TARS3: variants seen among roughly 807,000 people sequenced by gnomAD.
TARS3 encodes threonine--tRNA ligase 2, cytoplasmic.
In TARS3, 94 loss-of-function variants were observed where a neutral mutation model predicts 103.5. The ratio of observed to expected loss-of-function variants is 0.91; its 90% CI spans 0.77 to 1.08. TARS3 has a LOEUF of 1.08. TARS3 is among the 50% of genes least tolerant of loss of function. The pLI, the probability that TARS3 is intolerant of heterozygous loss-of-function variation, is 0.00. For synonymous variants in TARS3, 416 were observed against 355.4 expected, an observed-to-expected ratio of 1.17 and a Z score of -1.92; for missense variants, 952 against 995.2, an observed-to-expected ratio of 0.96 and a Z score of 0.58.
intron 12 of TARS3, among the ~76,000 whole-genome samples, chr15:101,679,600 G>T (rs556320904): frequency 6.6e-6 from 1 of 152,296 alleles, no homozygotes; most frequent in Admixed American, 6.5e-5. Context: ...GCAGATAATT[G>T]TAACATCTTT....
chr15:101,723,155 T>C lies in TARS3; in HGVS notation c.307A>G (p.Ser103Gly), dbSNP rs150811529. The C allele has an allele frequency of 2.5e-6, 4 of 1,613,840 alleles. No individual in the cohort carries two copies. Among genetic ancestry groups the C allele is most frequent in the Admixed American group, 3.3e-5 (2 of 60,022 alleles). Residue 103 changes from serine (S) to glycine (G), a missense_variant, in exon 2 of 19, where the codon AGT (serine) becomes GGT (glycine). Transcript: ENST00000335968. ...AQEAGAQPPP[S>G]QSQDKDMKKK... ...TTCATGTCCTTGTCTTGGCTTTGAC[T>C]AGGAGGAGGCTGAAAGATAAATTAT...
chr15:101,693,341 T>C (rs1474482799), intron 10 of TARS3, among the ~76,000 whole-genome samples: 1 of 152,082 alleles, frequency 6.6e-6, no homozygotes, highest in Non-Finnish European at 1.5e-5. Flanking sequence ...CAAGGGACTT[T>C]GTGCGGGGGA....
intron 11 of TARS3, 35 bp downstream of exon 11, chr15:101,685,861 C>G (rs754043698): frequency 6.4e-7 from 1 of 1,569,316 alleles, no homozygotes; most frequent in Non-Finnish European, 8.7e-7. Context: ...GCTATGTGCT[C>G]TCATGAAAAG....
rs1179736079 is a variant in TARS3 at position 101,724,109 on chromosome 15, C to A, written c.279G>T (p.Ala93=). The change falls in exon 1 of 19, where the codon GCG becomes GCT. Residue 93 remains alanine, a synonymous_variant. Transcript: ENST00000335968. ...ATLESAELEA[A]QEAGAQPPPS... ...CGGTTACCTGTGCGCCGGCCTCCTG[C>A]GCCGCCTCTAGCTCCGCGCTCTCCA... is the stretch of plus-strand genomic sequence containing the variant. The A allele has an allele frequency of 1.4e-6, 2 of 1,379,510 alleles. No individual in the cohort carries two copies. The highest frequency in any genetic ancestry group is 3.0e-5 in the East Asian group (1 of 33,282). 85.5% of individuals were successfully genotyped at this position (1,379,510 alleles called of 1,614,324 possible). A position where few individuals can be genotyped will look rare whatever the true frequency, so the allele number is the denominator to read the frequency against.
intron 10 of TARS3, chr15:101,699,573 G>A: frequency 2.5e-6 from 1 of 398,172 alleles, no homozygotes; most frequent in Non-Finnish European, 5.0e-6. Context: ...ATCCAAATCA[G>A]CAGCTGTGAT....
rs369266699 is a variant in TARS3, at chr15:101,696,129, T to C, written c.1320+4957A>G. The C allele has an allele frequency of 7.0e-5, 10 of 142,088 alleles. No homozygotes were observed. The East Asian group carries it at 2.0e-3, about 29-fold the overall frequency. The allele number at this position is 142,088 out of a possible 1,614,324, so 8.8% of individuals were successfully genotyped here. ...TGGGAGGCTGAGGCAGGAGAATGCA[T>C]GAGTCCAGGAGGCGGAGCTTGCAGT... On this transcript the variant is annotated intron_variant, in intron 10 of 18. Transcript: ENST00000335968.
At chr15:101,720,911 C>G (rs1223395825) in intron 3 of TARS3, among the ~76,000 whole-genome samples, 1 of 152,190 alleles carries the variant, frequency 6.6e-6, no homozygotes, top group Non-Finnish European at 1.5e-5. Context: ...GCTTGCTTCC[C>G]CTTCTGCCAC....
rs1897992954 is a variant in TARS3 at position 101,675,672 on chromosome 15, G to C, written c.1716C>G (p.Ser572=). 11 of 1,613,980 alleles carry C rather than the reference G, an allele frequency of 6.8e-6. No homozygotes were observed. The highest frequency in any genetic ancestry group is 9.3e-6 in the Non-Finnish European group (11 of 1,180,006). The change falls in exon 13 of 19, where the codon TCC becomes TCG. Residue 572 remains serine (S), a synonymous_variant. Coordinates refer to ENST00000335968, the MANE Select transcript of TARS3 (RefSeq NM_152334.3). ...GCCTTGTTGACAGGTTTAATTGAAAGGAGAAGCCAAATGTTGAGTAAACAG... is the reference window on the plus strand; with the variant it reads ...GCCTTGTTGACAGGTTTAATTGAAACGAGAAGCCAAATGTTGAGTAAACAG... ...LQSVYSTFGF[S]FQLNLSTRPE... is the part of the protein sequence containing the mutation.
At chr15:101,704,900 A>G (rs1012379762) in intron 7 of TARS3, among the ~76,000 whole-genome samples, 2 of 152,134 alleles carry the variant, frequency 1.3e-5, no homozygotes, top group Non-Finnish European at 2.9e-5. Flanking sequence ...CACAAAGGGG[A>G]TATGATTTTA....
chr15:101,662,151 C>A lies in TARS3; in HGVS notation c.1968-335G>T, dbSNP rs550064883. Among the ~76,000 whole-genome samples, 184 of 152,244 alleles carry A rather than the reference C, an allele frequency of 1.2e-3. 2 individuals are homozygous for A. The highest frequency in any genetic ancestry group is 4.3e-3 in the African/African-American group (180 of 41,548). On this transcript the variant is annotated intron_variant, in intron 15 of 18. Coordinates refer to ENST00000335968, the MANE Select transcript of TARS3 (RefSeq NM_152334.3). ...GCACCCCCATTCTTGCCACTATCTC[C>A]CACATTATAATCTTCATTTTTAAAA...
intron 5 of TARS3, among the ~76,000 whole-genome samples, chr15:101,709,132 G>A (rs1415310535): frequency 6.6e-6 from 1 of 152,204 alleles, no homozygotes; most frequent in Non-Finnish European, 1.5e-5. Flanking sequence ...TCTGCTGCAA[G>A]GGGAGAAGGA....
chr15:101,704,770 G>A (rs539010598), intron 7 of TARS3, among the ~76,000 whole-genome samples: 155 of 151,528 alleles, frequency 1.0e-3, no homozygotes, highest in African/African-American at 3.5e-3. Flanking sequence ...CAATGTTGAC[G>A]TAAGTAAGGT....
chr15:101,706,069 T>C (rs1596320567), intron 6 of TARS3, among the ~76,000 whole-genome samples: 1 of 152,206 alleles, frequency 6.6e-6, no homozygotes, highest in East Asian at 1.9e-4. Flanking sequence ...GTTCAAGCGA[T>C]TCTGCCTCAG....
At chr15:101,668,542 G>C (rs1897671519) in intron 15 of TARS3, among the ~76,000 whole-genome samples, 1 of 152,138 alleles carries the variant, frequency 6.6e-6, no homozygotes, top group Non-Finnish European at 1.5e-5. Flanking sequence ...ACCTAAGTGT[G>C]ACACAAAGAC....
In TARS3 at chr15:101,711,977, T is replaced by C. The variant is rs780274682; in HGVS notation, c.715A>G (p.Ile239Val). The change falls in exon 5 of 19, where the codon ATT becomes GTT. Residue 239 changes from isoleucine (I) to valine (V), a missense_variant. Physicochemically the swap from Ile to Val is conservative, Grantham distance 29 (BLOSUM62 3). Coordinates refer to ENST00000335968, the MANE Select transcript of TARS3 (RefSeq NM_152334.3). The stretch of plus-strand genomic sequence containing the variant: ...TAAAGCTCCATGGCCTCCCCAAGAA[T>C]GTGAGCACTGGAGTGCCAGTACACC... ...QAVYWHSSAH[I>V]LGEAMELYYG... is the part of the protein sequence containing the mutation. 2.7e-5 allele frequency: 43 copies of C among 1,613,648 alleles called. No individual in the cohort carries two copies. The highest frequency in any genetic ancestry group is 5.0e-5 in the Admixed American group (3 of 59,976).
chr15:101,702,047 T>C (rs545838959), intron 9 of TARS3, among the ~76,000 whole-genome samples, 192 bp downstream of exon 9: 2 of 152,272 alleles, frequency 1.3e-5, no homozygotes, highest in East Asian at 1.9e-4. Flanking sequence ...TAATAAAAGA[T>C]ACAGGAAGGA....
chr15:101,662,558 A>T (rs958224680), intron 15 of TARS3, among the ~76,000 whole-genome samples: 1 of 152,240 alleles, frequency 6.6e-6, no homozygotes, highest in Non-Finnish European at 1.5e-5. Flanking sequence ...GTAACTGGAT[A>T]TCATCACTGC....
At chr15:101,681,634 C>G (rs1214099139) in intron 12 of TARS3, among the ~76,000 whole-genome samples, 1 of 152,218 alleles carries the variant, frequency 6.6e-6, no homozygotes, top group Admixed American at 6.5e-5. Context: ...TGAGGGCTTT[C>G]TTCCTAGTTT....
rs990988934 is a variant in TARS3, at chr15:101,671,863, T to A, written c.1789-115A>T. 7.4e-6 allele frequency: 6 copies of A among 815,404 alleles called. No individual in the cohort carries two copies. In the East Asian group the frequency reaches 8.0e-5, roughly 11 times the overall value. 50.5% of individuals were successfully genotyped at this position (815,404 alleles called of 1,614,324 possible). A position where few individuals can be genotyped will look rare whatever the true frequency, so the allele number is the denominator to read the frequency against. ...CAGTCTATGTTAGTTCAACATATAT[T>A]TATTGAGCATCTTTTACATTCAATA... is the stretch of plus-strand genomic sequence containing the variant. On this transcript the variant is annotated intron_variant, in intron 13 of 18. Transcript: ENST00000335968.
Sources: allele counts gnomAD v4.1 joint callset (sites outside exome capture counted in the v4.1 genomes callset), GRCh38; gene constraint gnomAD v4.1.1; transcripts MANE v1.5; gene names NCBI Gene and HGNC (gene_info 2026-07-23, HGNC 2026-07-21).